The following FKBP1A variants were observed in gnomAD, a reference collection of about 807,000 sequenced individuals.
FKBP1A encodes peptidyl-prolyl cis-trans isomerase FKBP1A.
In FKBP1A, 5 loss-of-function variants were observed where a neutral mutation model predicts 14.2. That is an observed-to-expected ratio of 0.35 (90% CI 0.18 to 0.74). FKBP1A has a LOEUF of 0.74. Ranked by LOEUF, FKBP1A falls within the 30% of genes least tolerant of loss-of-function variation. FKBP1A has a pLI of 0.56. For missense variants in FKBP1A, 53 were observed against 138.8 expected (o/e 0.38, Z 3.10); for synonymous variants, 42 against 49.1 (o/e 0.86, Z 0.60).
Position 1,386,486 on chromosome 20 carries a change from G to A in FKBP1A, c.85+6348C>T, listed in dbSNP as rs572261080. On this transcript the variant is annotated intron_variant, in intron 2 of 4. Transcript: ENST00000400137. The surrounding 1 kb of genome is among the most constrained non-coding windows in gnomAD (Gnocchi z 4.7). ...GTCTGGCCTCCTGGAGCCTTCAGTC[G>A]GTTGGGGAAAGAGCAGATGTTTAAC... is the stretch of plus-strand genomic sequence containing the variant. Among the ~76,000 whole-genome samples the A allele has an allele frequency of 8.5e-5, 13 of 152,324 alleles. No individual in the cohort carries two copies. In the South Asian group the frequency reaches 1.0e-3, roughly 12 times the overall value.
chr20:1,374,341 G>GA (rs2089508954), intron 3 of FKBP1A: 1 of 152,294 alleles, frequency 6.6e-6, no homozygotes, highest in South Asian at 2.1e-4. Flanking sequence ...AAATGGGGAG[G>GA]AAAGAGATTA....
chr20:1,384,296 G>A (rs564849362), intron 2 of FKBP1A, among the ~76,000 whole-genome samples: 1 of 152,272 alleles, frequency 6.6e-6, no homozygotes, highest in African/African-American at 2.4e-5. Flanking sequence ...TGACTCCTGG[G>A]AAAGACTCAA....
At chr20:1,390,853 G>C (rs1327779498) in intron 2 of FKBP1A, among the ~76,000 whole-genome samples, 1 of 152,130 alleles carries the variant, frequency 6.6e-6, no homozygotes, top group Non-Finnish European at 1.5e-5. Context: ...TTATCAAAAC[G>C]AAATCAAAAA....
At chr20:1,373,768 G>C (rs569355784) in intron 3 of FKBP1A, among the ~76,000 whole-genome samples, 4 of 152,354 alleles carry the variant, frequency 2.6e-5, no homozygotes, top group African/African-American at 9.6e-5. Flanking sequence ...AGCAGTCACA[G>C]AAGATGGGTT....
At chr20:1,385,209 G>A (rs1477537203) in intron 2 of FKBP1A, among the ~76,000 whole-genome samples, 1 of 152,084 alleles carries the variant, frequency 6.6e-6, no homozygotes, top group Non-Finnish European at 1.5e-5. Flanking sequence ...GGGCAACATG[G>A]TGAAACCCTG....
At position 1,369,820 on chromosome 20, in the gene FKBP1A, CTG is replaced by C. The variant is rs529373359; in HGVS notation, c.*287_*288del. ...TAATTGGAAACCTATATCCAAAAGA[CTG>C]AAACTGAATCTTCACCCCAAAATGA... On this transcript the variant is annotated 3_prime_UTR_variant, in exon 5 of 5. Coordinates refer to ENST00000400137, the MANE Select transcript of FKBP1A (RefSeq NM_000801.5). 548 of 478,002 alleles carry C rather than the reference CTG, an allele frequency of 1.1e-3. 5 individuals carry two copies. Among genetic ancestry groups the C allele is most frequent in the African/African-American group, 0.01 (518 of 50,618 alleles). 29.6% of individuals were successfully genotyped at this position (478,002 alleles called of 1,614,324 possible). A position where few individuals can be genotyped will look rare whatever the true frequency, so the allele number is the denominator to read the frequency against.
intron 3 of FKBP1A, chr20:1,374,843 CTT>C (rs144088446): frequency 0.029 from 4,459 of 153,336 alleles, 82 homozygotes; most frequent in African/African-American, 0.044. Flanking sequence ...CTCATTTTTT[CTT>C]TCTTTTTTGA....
intron 2 of FKBP1A, chr20:1,378,421 G>C (rs1033881009): frequency 6.6e-6 from 1 of 152,476 alleles, no homozygotes; most frequent in African/African-American, 2.4e-5. Context: ...TTTTAGGGCA[G>C]TGAAAATGTT....
chr20:1,381,404 T>A (rs904450612), intron 2 of FKBP1A, among the ~76,000 whole-genome samples: 2 of 152,200 alleles, frequency 1.3e-5, no homozygotes, highest in African/African-American at 4.8e-5. Context: ...CACCACTGAT[T>A]AGAATGAGTA....
intron 2 of FKBP1A, among the ~76,000 whole-genome samples, chr20:1,384,200 G>A (rs2089646787): frequency 6.6e-6 from 1 of 152,058 alleles, no homozygotes; most frequent in Non-Finnish European, 1.5e-5. Flanking sequence ...TCCATTTATG[G>A]TAGCTATATT....
Position 1,392,868 on chromosome 20 carries a change from G to C in FKBP1A, c.51C>G (p.Pro17=). 1.9e-6 allele frequency: 3 copies of C among 1,538,604 alleles called. No homozygotes were observed. The highest frequency in any genetic ancestry group is 4.2e-4 in the Middle Eastern group (2 of 4,814). ...GCACCACGCAGGTCTGGCCGCGCTT[G>C]GGGAAGGTGCGCCCTGAGGAGACAG... The part of the protein sequence containing the change: ...TISPGDGRTF[P]KRGQTCVVHY... Residue 17 remains proline, a synonymous_variant, in exon 2 of 5, where the codon CCC becomes CCG. Transcript: ENST00000400137.
intron 2 of FKBP1A, among the ~76,000 whole-genome samples, chr20:1,387,745 T>A (rs13039228): frequency 0.11 from 16,778 of 151,674 alleles, 1,010 homozygotes; most frequent in Non-Finnish European, 0.14. Flanking sequence ...GAAGGCCGGA[T>A]GGGAGGCCGG....
At chr20:1,372,632 A>G (rs1390037278) in intron 3 of FKBP1A, among the ~76,000 whole-genome samples, 1 of 152,206 alleles carries the variant, frequency 6.6e-6, no homozygotes, top group Non-Finnish European at 1.5e-5. Flanking sequence ...TGAAAAAGGA[A>G]TACTCAACTT....
intron 4 of FKBP1A, 190 bp downstream of exon 4, chr20:1,371,886 C>A (rs1287562876): frequency 2.9e-6 from 4 of 1,357,286 alleles, no homozygotes; most frequent in Non-Finnish European, 3.8e-6. Context: ...CAATTCCTTT[C>A]CTTAGGGTGA....
Position 1,392,943 on chromosome 20 carries a change from G to A in FKBP1A, c.37+19C>T. 1.5e-5 allele frequency: 10 copies of A among 671,230 alleles called. 1 individual carries two copies. The highest frequency in any genetic ancestry group is 5.4e-5 in the East Asian group (1 of 18,578). The allele number at this position is 671,230 out of a possible 1,614,324, so 41.6% of individuals were successfully genotyped here. A position where few individuals can be genotyped will look rare whatever the true frequency, so the allele number is the denominator to read the frequency against. ...CGCGGCGGCAGAGGTACTCCGAGCC[G>A]CCGCGCGCCACTACTCACCGTCTCC... On this transcript the variant is annotated intron_variant, in intron 1 of 4. Transcript: ENST00000400137.
In FKBP1A at chr20:1,370,032, T is replaced by C; in HGVS notation, c.*77A>G. ...TCAGGAAAAGCTCCATATGGATTCA[T>C]GTGCACATGTCTGGAGGCACCAGAT... On this transcript the variant is annotated 3_prime_UTR_variant, in exon 5 of 5. Transcript: ENST00000400137. 2 of 1,550,200 alleles carry C rather than the reference T, an allele frequency of 1.3e-6. No individual in the cohort carries two copies. The highest frequency in any genetic ancestry group is 1.7e-6 in the Non-Finnish European group (2 of 1,146,868).
rs1197022291 is a variant in FKBP1A, at chr20:1,386,202, A to G, written c.85+6632T>C. ...CCTCCTGCCTGACTGCACCATACAC[A>G]CCCAAGACCAAATGGCACTTCCTCC... On this transcript the variant is annotated intron_variant, in intron 2 of 4. Transcript: ENST00000400137. This position sits in a 1 kb window ranked among gnomAD's most constrained non-coding sequence, Gnocchi z 4.7. Among the ~76,000 whole-genome samples, 1 of 152,184 alleles carries G rather than the reference A, an allele frequency of 6.6e-6. No homozygotes were observed. The highest frequency in any genetic ancestry group is 1.5e-5 in the Non-Finnish European group (1 of 68,034).
At chr20:1,385,769 C>G (rs1314164737) in intron 2 of FKBP1A, among the ~76,000 whole-genome samples, 1 of 152,222 alleles carries the variant, frequency 6.6e-6, no homozygotes, top group African/African-American at 2.4e-5. Flanking sequence ...GTTCTACATA[C>G]ACACCAGGGA....
chr20:1,369,883 A>C lies in FKBP1A; in HGVS notation c.*226T>G, dbSNP rs537120656. Reference sequence around the variant, plus strand: ...AAATGAATAACTTGAGGTTTATGGCATATAGTTTAGGTAAACACACATACG... The same window carrying C: ...AAATGAATAACTTGAGGTTTATGGCCTATAGTTTAGGTAAACACACATACG... On this transcript the variant is annotated 3_prime_UTR_variant, in exon 5 of 5. Coordinates refer to ENST00000400137, the MANE Select transcript of FKBP1A (RefSeq NM_000801.5). 8.9e-6 allele frequency: 7 copies of C among 788,078 alleles called. No individual in the cohort carries two copies. Among genetic ancestry groups the C allele is most frequent in the Non-Finnish European group, 1.4e-5 (7 of 512,372 alleles). The allele number at this position is 788,078 out of a possible 1,614,324, so 48.8% of individuals were successfully genotyped here. A position where few individuals can be genotyped will look rare whatever the true frequency, so the allele number is the denominator to read the frequency against.
Sources: allele counts gnomAD v4.1 joint callset (sites outside exome capture counted in the v4.1 genomes callset), GRCh38; gene constraint gnomAD v4.1.1; non-coding constraint Gnocchi (gnomAD v3.1); transcripts MANE v1.5; gene names NCBI Gene and HGNC (gene_info 2026-07-23, HGNC 2026-07-21).